Variants in C12orf56 observed in about 807,000 individuals in gnomAD.
C12orf56 encodes uncharacterized protein C12orf56.
In C12orf56, 71 loss-of-function variants were observed where a neutral mutation model predicts 69.9. The ratio of observed to expected loss-of-function variants is 1.02; its 90% CI spans 0.84 to 1.24. The LOEUF (loss-of-function observed/expected upper bound fraction) is 1.24. Among genes scored for constraint, C12orf56 ranks in the 50% most tolerant of loss-of-function variants. The pLI, the probability that C12orf56 is intolerant of heterozygous loss-of-function variation, is 0.00. For synonymous variants in C12orf56, 276 were observed against 274.1 expected (o/e 1.01, Z -0.07); for missense variants, 732 against 738.5 (o/e 0.99, Z 0.10).
rs536487079 is a variant in C12orf56 at position 64,303,610 on chromosome 12, A to T, written c.1113+25T>A. On this transcript the variant is annotated intron_variant, in intron 6 of 12. Coordinates refer to ENST00000543942, the MANE Select transcript of C12orf56 (RefSeq NM_001170633.2). Reference sequence around the variant, plus strand: ...TAAACAGGAAACACAAACTTTAAAGATTAAAAATAAAACAAAACACTTACC... The same window carrying T: ...TAAACAGGAAACACAAACTTTAAAGTTTAAAAATAAAACAAAACACTTACC... 1.1e-5 allele frequency: 16 copies of T among 1,493,486 alleles called. No homozygotes were observed. In the African/African-American group the frequency reaches 2.1e-4, roughly 20 times the overall value. The allele number at this position is 1,493,486 out of a possible 1,614,324, so 92.5% of individuals were successfully genotyped here. A position where few individuals can be genotyped will look rare whatever the true frequency, so the allele number is the denominator to read the frequency against.
intron 2 of C12orf56, chr12:64,338,688 C>A (rs1489325600): frequency 1.9e-6 from 3 of 1,564,772 alleles, no homozygotes; most frequent in East Asian, 4.5e-5. Flanking sequence ...TTGAACTCTT[C>A]TTCTGCCTTT....
intron 2 of C12orf56, among the ~76,000 whole-genome samples, chr12:64,335,851 C>T (rs926612346): frequency 6.6e-6 from 1 of 152,156 alleles, no homozygotes; most frequent in African/African-American, 2.4e-5. Context: ...CCATGGGCAC[C>T]TGTATCACAT....
At position 64,390,698 on chromosome 12, in the gene C12orf56, C is replaced by T. The variant is rs2039858952; in HGVS notation, c.-133G>A. ...CGCCTCCTCTCCAGGCGCGGGGACC[C>T]GGGCCGCAACTGCAGGAATCGACGC... On this transcript the variant is annotated 5_prime_UTR_variant, in exon 1 of 13. Coordinates refer to ENST00000543942, the MANE Select transcript of C12orf56 (RefSeq NM_001170633.2). The T allele has an allele frequency of 4.7e-6, 6 of 1,263,432 alleles. No homozygotes were observed. Among genetic ancestry groups the T allele is most frequent in the Middle Eastern group, 2.9e-4 (1 of 3,448 alleles). 78.3% of individuals were successfully genotyped at this position (1,263,432 alleles called of 1,614,324 possible).
At chr12:64,341,112 G>A (rs2039068529) in intron 2 of C12orf56, among the ~76,000 whole-genome samples, 1 of 152,158 alleles carries the variant, frequency 6.6e-6, no homozygotes, top group Admixed American at 6.5e-5. Context: ...AAAGGTAGGA[G>A]GAGCCCAATG....
At chr12:64,362,369 A>C (rs1160918968) in intron 1 of C12orf56, among the ~76,000 whole-genome samples, 2 of 152,164 alleles carry the variant, frequency 1.3e-5, no homozygotes, top group Non-Finnish European at 2.9e-5. Context: ...GGGTGAGTCC[A>C]CACTGCAAAG....
chr12:64,357,531 G>C (rs1037203482), intron 1 of C12orf56, among the ~76,000 whole-genome samples: 6 of 151,658 alleles, frequency 4.0e-5, no homozygotes, highest in Non-Finnish European at 8.8e-5. Context: ...TCCCACCTCA[G>C]CTTCCTGAGT....
chr12:64,356,148 G>T (rs1156536051), intron 1 of C12orf56, among the ~76,000 whole-genome samples: 1 of 125,180 alleles, frequency 8.0e-6, no homozygotes. Context: ...TGGGCCTGTT[G>T]CCCAGGAGCA....
At chr12:64,303,841 A>G in intron 5 of C12orf56, 62 bp from the exon 6 acceptor site, 1 of 1,488,276 alleles carries the variant, frequency 6.7e-7, no homozygotes, top group African/African-American at 1.4e-5. Context: ...GTTTAGGAAT[A>G]TCAATGATTA....
intron 1 of C12orf56, among the ~76,000 whole-genome samples, chr12:64,355,099 A>G (rs1287880446): frequency 6.7e-6 from 1 of 149,368 alleles, no homozygotes; most frequent in Admixed American, 6.7e-5. Context: ...AAAAAAAAAA[A>G]AAAGAGGTGC....
intron 1 of C12orf56, among the ~76,000 whole-genome samples, chr12:64,364,621 C>T (rs911146280): frequency 6.6e-6 from 1 of 152,142 alleles, no homozygotes; most frequent in Non-Finnish European, 1.5e-5. Context: ...TGCTGCTCCA[C>T]TGAAAAAGGA....
chr12:64,297,705 A>G (rs1009588577), intron 6 of C12orf56, among the ~76,000 whole-genome samples: 4 of 152,196 alleles, frequency 2.6e-5, no homozygotes, highest in Admixed American at 1.3e-4. Context: ...TGTCCCTGCA[A>G]AGGACATGAA....
At chr12:64,360,955 C>T (rs1397935902) in intron 1 of C12orf56, among the ~76,000 whole-genome samples, 1 of 152,170 alleles carries the variant, frequency 6.6e-6, no homozygotes, top group Non-Finnish European at 1.5e-5. Context: ...GATGTGGTGT[C>T]ATGCCTGTAA....
chr12:64,386,648 G>A (rs1020406399), intron 1 of C12orf56, among the ~76,000 whole-genome samples: 2 of 151,640 alleles, frequency 1.3e-5, no homozygotes, highest in East Asian at 1.9e-4. Context: ...CGCCCATCTC[G>A]GCTTCCCAAA....
chr12:64,336,360 C>A lies in C12orf56; in HGVS notation c.416-5328G>T, dbSNP rs79381784. 6.2e-3 allele frequency among the ~76,000 whole-genome samples: 939 copies of A among 152,232 alleles called. 30 individuals are homozygous for A. The highest frequency in any genetic ancestry group is 0.053 in the Admixed American group (813 of 15,278). On this transcript the variant is annotated intron_variant, in intron 2 of 12. Transcript: ENST00000543942. ...GCCCTGCACATCAGCACAGGACAAA[C>A]TCTTCACTAATTTTAATATCACTTG...
chr12:64,265,083 G>A lies in C12orf56; in HGVS notation c.*2100C>T, dbSNP rs555017141. 6.6e-6 allele frequency: 1 copy of A among 152,392 alleles called. No homozygotes were observed. The highest frequency in any genetic ancestry group is 2.1e-4 in the South Asian group (1 of 4,828). The allele number at this position is 152,392 out of a possible 1,614,324, so 9.4% of individuals were successfully genotyped here. A position where few individuals can be genotyped will look rare whatever the true frequency, so the allele number is the denominator to read the frequency against. ...CCCAGATCCAGGGCACTGCGGAGAA[G>A]CTAAGGCAGAGCTGAGTTGATCCTC... On this transcript the variant is annotated 3_prime_UTR_variant, in exon 13 of 13. Transcript: ENST00000543942.
intron 6 of C12orf56, among the ~76,000 whole-genome samples, chr12:64,293,916 G>A (rs1007211155): frequency 1.3e-5 from 2 of 152,168 alleles, no homozygotes; most frequent in African/African-American, 4.8e-5. Context: ...TGACAGAGAC[G>A]CTCTAAATCT....
At chr12:64,345,324 T>C (rs548469992) in intron 2 of C12orf56, among the ~76,000 whole-genome samples, 7 of 152,220 alleles carry the variant, frequency 4.6e-5, no homozygotes, top group African/African-American at 1.7e-4. Flanking sequence ...GTGCAGGATT[T>C]ATCTCCTCAG....
At chr12:64,382,414 T>C (rs2039731949) in intron 1 of C12orf56, among the ~76,000 whole-genome samples, 1 of 152,186 alleles carries the variant, frequency 6.6e-6, no homozygotes, top group Non-Finnish European at 1.5e-5. Context: ...ATATCAATCT[T>C]ACAGATTCAT....
chr12:64,359,668 C>G (rs1462740282), intron 1 of C12orf56, among the ~76,000 whole-genome samples: 1 of 152,008 alleles, frequency 6.6e-6, no homozygotes, highest in East Asian at 1.9e-4. Flanking sequence ...AGGCTTAATC[C>G]AAAGAACATG....
Sources: gnomAD v4.1 joint callset for allele counts (sites outside exome capture counted in the v4.1 genomes callset) on GRCh38, gnomAD v4.1.1 for gene constraint, MANE v1.5 for transcripts, NCBI Gene and HGNC (gene_info 2026-07-23, HGNC 2026-07-21) for gene names.